ZNF609: variants seen among roughly 807,000 people sequenced by gnomAD.
The protein encoded by ZNF609 is zinc finger protein 609.
Under a neutral mutation model 109.5 loss-of-function variants are expected in ZNF609, and 11 were observed. That is an observed-to-expected ratio of 0.10 (90% CI 0.06 to 0.17). The LOEUF (loss-of-function observed/expected upper bound fraction) is 0.17, where lower values mean the gene tolerates loss of function less well. Ranked by LOEUF, ZNF609 falls within the 10% of genes least tolerant of loss-of-function variation. The pLI is 1.00. For synonymous variants in ZNF609, 646 were observed against 662.0 expected (o/e 0.98, Z 0.37); for missense variants, 1,559 against 1,772.4 (o/e 0.88, Z 2.16).
intron 2 of ZNF609, among the ~76,000 whole-genome samples, chr15:64,602,716 C>CTTTT (rs10600561): frequency 3.6e-3 from 201 of 55,580 alleles, no homozygotes; most frequent in South Asian, 1.0e-2. Context: ...TTTTTTCTTT[C>CTTTT]TTTTTTTTTT....
intron 3 of ZNF609, among the ~76,000 whole-genome samples, chr15:64,645,131 C>CTTCT (rs1348359216): frequency 8.0e-6 from 1 of 125,598 alleles, no homozygotes; most frequent in African/African-American, 2.8e-5. Context: ...TCCTTCCTTC[C>CTTCT]TCAGGCTGGA....
chr15:64,552,278 T>G (rs1297805866), intron 2 of ZNF609, among the ~76,000 whole-genome samples: 1 of 152,204 alleles, frequency 6.6e-6, no homozygotes, highest in African/African-American at 2.4e-5. Context: ...TCCTGAAGTT[T>G]TGTAGTTGCA....
At chr15:64,479,446 C>CA (rs1893218963) in intron 1 of ZNF609, among the ~76,000 whole-genome samples, 2 of 151,810 alleles carry the variant, frequency 1.3e-5, no homozygotes, top group South Asian at 4.1e-4. Context: ...TGCCCACCAC[C>CA]ACGCCTGGCT....
chr15:64,536,916 G>GAAAAA (rs60594462), intron 2 of ZNF609, among the ~76,000 whole-genome samples: 1 of 55,412 alleles, frequency 1.8e-5, no homozygotes, highest in African/African-American at 7.0e-5. Flanking sequence ...TCTCAAAAAA[G>GAAAAA]AAAAAAAAAA....
intron 2 of ZNF609, among the ~76,000 whole-genome samples, chr15:64,554,260 C>T (rs564615211): frequency 1.5e-4 from 23 of 152,096 alleles, no homozygotes; most frequent in East Asian, 3.8e-4. Context: ...CTATTCCTGG[C>T]GTGTTGAGTG....
At chr15:64,479,006 G>A (rs1004056073) in intron 1 of ZNF609, among the ~76,000 whole-genome samples, 1 of 152,146 alleles carries the variant, frequency 6.6e-6, no homozygotes, top group Admixed American at 6.5e-5. Context: ...AACATAGCTT[G>A]TTTGCTGCTG....
intron 2 of ZNF609, among the ~76,000 whole-genome samples, chr15:64,591,627 C>G (rs1595730620): frequency 6.6e-6 from 1 of 151,998 alleles, no homozygotes; most frequent in Non-Finnish European, 1.5e-5. Flanking sequence ...GCCTATAATC[C>G]CAGCACTTTG....
In ZNF609 at chr15:64,480,596, A is replaced by C. The variant is rs549013710; in HGVS notation, c.-127-18697A>C. Among the ~76,000 whole-genome samples the C allele has an allele frequency of 2.6e-5, 4 of 152,270 alleles. No individual in the cohort carries two copies. The East Asian group carries it at 5.8e-4, about 22-fold the overall frequency. ...CTCATCTCATATGCTTGATGGAAGG[A>C]GACTAACTGTTCAGGTGTAGTACTG... On this transcript the variant is annotated intron_variant, in intron 1 of 9. Coordinates refer to ENST00000326648, the MANE Select transcript of ZNF609 (RefSeq NM_015042.2).
intron 2 of ZNF609, 99 bp from the exon 3 acceptor site, chr15:64,622,728 C>A: frequency 9.6e-7 from 1 of 1,042,172 alleles, no homozygotes; most frequent in Non-Finnish European, 1.5e-6. Context: ...CGTCTGCACT[C>A]TGGCAGGAAT....
intron 3 of ZNF609, among the ~76,000 whole-genome samples, chr15:64,652,630 C>T (rs1258705554): frequency 6.6e-6 from 1 of 152,026 alleles, no homozygotes; most frequent in Non-Finnish European, 1.5e-5. Context: ...TCAAACAATC[C>T]TCCCACCTTG....
Position 64,675,581 on chromosome 15 carries a change from G to T in ZNF609, c.2727G>T (p.Gly909=). Residue 909 remains glycine, a synonymous_variant, in exon 5 of 10, where the codon GGG becomes GGT. Transcript: ENST00000326648. ...YSPSYAQSSP[G]ALNPSSQAGV... ...CAAGTTATGCACAGTCCAGCCCTGG[G>T]GCTCTGAACCCCAGCAGCCAGGCAG... 1.9e-6 allele frequency: 3 copies of T among 1,614,068 alleles called. No individual in the cohort carries two copies. Among genetic ancestry groups the T allele is most frequent in the Non-Finnish European group, 2.5e-6 (3 of 1,180,032 alleles).
intron 2 of ZNF609, among the ~76,000 whole-genome samples, chr15:64,603,290 G>A (rs1404267019): frequency 2.9e-5 from 4 of 139,274 alleles, no homozygotes; most frequent in Admixed American, 7.2e-5. Flanking sequence ...TTTTTTTTGA[G>A]ATAGAGTCTT....
At chr15:64,670,090 C>G (rs941654736) in intron 3 of ZNF609, among the ~76,000 whole-genome samples, 2 of 152,134 alleles carry the variant, frequency 1.3e-5, no homozygotes, top group Non-Finnish European at 2.9e-5. Flanking sequence ...GAGCAAAACC[C>G]CATCTCCAAA....
chr15:64,615,317 A>AT (rs990803646), intron 2 of ZNF609, among the ~76,000 whole-genome samples: 4 of 150,494 alleles, frequency 2.7e-5, no homozygotes, highest in South Asian at 2.1e-4. Context: ...TAGTTTTTGA[A>AT]TTTTTTGTAG....
In ZNF609 at chr15:64,514,467, G is replaced by A. The variant is rs548294634; in HGVS notation, c.747+14301G>A. On this transcript the variant is annotated intron_variant, in intron 2 of 9. Coordinates refer to ENST00000326648, the MANE Select transcript of ZNF609 (RefSeq NM_015042.2). ...CTGTATAGTAACCTCAGATCTTATC[G>A]TTGAATTGAACAAGAACTATCATGT... Among the ~76,000 whole-genome samples the A allele has an allele frequency of 4.8e-4, 73 of 152,088 alleles. 1 individual carries two copies. The South Asian group carries it at 0.011, about 22-fold the overall frequency.
At chr15:64,529,505 A>G in intron 2 of ZNF609, 4 of 1,132,700 alleles carry the variant, frequency 3.5e-6, no homozygotes, top group East Asian at 2.4e-5. Context: ...GTGCCATGGA[A>G]TTTGCCATGT....
At chr15:64,651,438 A>T (rs1346193963) in intron 3 of ZNF609, among the ~76,000 whole-genome samples, 1 of 152,226 alleles carries the variant, frequency 6.6e-6, no homozygotes, top group Non-Finnish European at 1.5e-5. Context: ...TGGCTAAATT[A>T]TAGAGCTCAG....
intron 3 of ZNF609, among the ~76,000 whole-genome samples, chr15:64,641,465 C>T (rs923272506): frequency 2.0e-5 from 3 of 151,828 alleles, no homozygotes; most frequent in Non-Finnish European, 2.9e-5. Flanking sequence ...CCGCCCACCT[C>T]GGCCTCCCAA....
At chr15:64,543,458 T>G (rs73452285) in intron 2 of ZNF609, among the ~76,000 whole-genome samples, 20,755 of 150,228 alleles carry the variant, frequency 0.14, 2,591 homozygotes, top group African/African-American at 0.33. Context: ...TTTTTTTTTT[T>G]TTTTAAACGG....
Sources: allele counts gnomAD v4.1 joint callset (sites outside exome capture counted in the v4.1 genomes callset), GRCh38; gene constraint gnomAD v4.1.1; transcripts MANE v1.5; gene names NCBI Gene and HGNC (gene_info 2026-07-23, HGNC 2026-07-21).